The following CORIN variants were observed in gnomAD, a reference collection of about 807,000 sequenced individuals.
CORIN encodes atrial natriuretic peptide-converting enzyme.
A neutral mutation model predicts 125.3 loss-of-function variants in CORIN; 117 were observed. That is an observed-to-expected ratio of 0.93 (90% confidence interval 0.80 to 1.09). CORIN has a LOEUF of 1.09. CORIN is among the 50% of genes least tolerant of loss of function. The pLI is 0.00. For missense variants in CORIN, 1,253 were observed against 1,306.7 expected (o/e 0.96, Z 0.63); for synonymous variants, 450 against 466.4 (o/e 0.96, Z 0.45).
chr4:47,744,923 G>A (rs1222981651), intron 4 of CORIN, among the ~76,000 whole-genome samples: 1 of 152,048 alleles, frequency 6.6e-6, no homozygotes, highest in Non-Finnish European at 1.5e-5. Context: ...GGAAACGAAG[G>A]CCCTCAGATT....
chr4:47,646,250 T>C (rs1329763967), intron 13 of CORIN, among the ~76,000 whole-genome samples: 1 of 152,194 alleles, frequency 6.6e-6, no homozygotes, highest in Admixed American at 6.5e-5. Flanking sequence ...TAAAATGTAA[T>C]TTCATTCTAC....
At position 47,696,022 on chromosome 4, in the gene CORIN, T is replaced by C. The variant is rs147449690; in HGVS notation, c.800-2939A>G. 2.0e-5 allele frequency among the ~76,000 whole-genome samples: 3 copies of C among 152,290 alleles called. No individual in the cohort carries two copies. In the East Asian group the frequency reaches 5.8e-4, roughly 29 times the overall value. On this transcript the variant is annotated intron_variant, in intron 5 of 21. Transcript: ENST00000273857. ...TGTAGTCGGCTGATACTCGGCCAGT[T>C]TAAGGGCACTAGGTTTGAGTAAAAC...
chr4:47,626,250 A>G (rs1722558578), intron 17 of CORIN, among the ~76,000 whole-genome samples, 155 bp downstream of exon 17: 1 of 152,216 alleles, frequency 6.6e-6, no homozygotes, highest in Non-Finnish European at 1.5e-5. Flanking sequence ...AAAAGCAACC[A>G]ATGTTGAAAT....
At chr4:47,805,794 T>C (rs183432484) in intron 2 of CORIN, among the ~76,000 whole-genome samples, 1 of 152,222 alleles carries the variant, frequency 6.6e-6, no homozygotes, top group Non-Finnish European at 1.5e-5. Context: ...AGTGTGTAAC[T>C]TCTATAAACC....
chr4:47,612,355 CA>C (rs1721903648), intron 19 of CORIN, among the ~76,000 whole-genome samples: 1 of 152,096 alleles, frequency 6.6e-6, no homozygotes, highest in Non-Finnish European at 1.5e-5. Context: ...TCTGACCTTC[CA>C]ATTGTCTAAG....
chr4:47,631,522 T>C (rs1233753398), intron 16 of CORIN, among the ~76,000 whole-genome samples: 1 of 152,092 alleles, frequency 6.6e-6, no homozygotes, highest in Non-Finnish European at 1.5e-5. Flanking sequence ...GACCATCTAG[T>C]TGCAGGAAAA....
intron 5 of CORIN, among the ~76,000 whole-genome samples, chr4:47,740,231 C>A (rs1228859305): frequency 6.6e-6 from 1 of 151,818 alleles, no homozygotes; most frequent in Non-Finnish European, 1.5e-5. Flanking sequence ...TTTTTAGGTG[C>A]CTATGTGTTT....
Position 47,595,483 on chromosome 4 carries a change from G to T in CORIN, c.*238C>A. 6.6e-6 allele frequency: 2 copies of T among 303,084 alleles called. No individual in the cohort carries two copies. Among genetic ancestry groups the T allele is most frequent in the Non-Finnish European group, 6.1e-6 (1 of 164,456 alleles). The allele number at this position is 303,084 out of a possible 1,614,324, so 18.8% of individuals were successfully genotyped here. ...TGGTTAGGCCTGGCAAAAGGACAAA[G>T]TCTGCTTTGTTTGCTTTTGTAAAGT... On this transcript the variant is annotated 3_prime_UTR_variant, in exon 22 of 22. Coordinates refer to ENST00000273857, the MANE Select transcript of CORIN (RefSeq NM_006587.4).
chr4:47,643,344 G>T, intron 14 of CORIN, 88 bp from the exon 15 acceptor site: 1 of 1,249,844 alleles, frequency 8.0e-7, no homozygotes, highest in East Asian at 2.4e-5. Flanking sequence ...GTGCCAGCAG[G>T]AGCATGGAAA....
chr4:47,607,139 T>C (rs1171299667), intron 19 of CORIN, among the ~76,000 whole-genome samples: 1 of 152,220 alleles, frequency 6.6e-6, no homozygotes, highest in Non-Finnish European at 1.5e-5. Context: ...TTGTACCCAG[T>C]AGTCTCTTGT....
chr4:47,772,276 A>G (rs1730079371), intron 3 of CORIN, among the ~76,000 whole-genome samples: 1 of 152,260 alleles, frequency 6.6e-6, no homozygotes, highest in Admixed American at 6.5e-5. Flanking sequence ...GTCAAGGTAG[A>G]GAAATGAGCC....
At chr4:47,803,041 C>T (rs1162080465) in intron 2 of CORIN, among the ~76,000 whole-genome samples, 2 of 152,160 alleles carry the variant, frequency 1.3e-5, no homozygotes. Context: ...TAGAAGTCTT[C>T]AAGAATTGCA....
intron 15 of CORIN, among the ~76,000 whole-genome samples, chr4:47,642,375 G>C (rs781755538): frequency 2.6e-5 from 4 of 152,236 alleles, no homozygotes; most frequent in Non-Finnish European, 4.4e-5. Context: ...ATAATTACAA[G>C]AAGCGAGTTG....
rs1232013565 is a variant in CORIN, at chr4:47,763,488, T to A, written c.508A>T (p.Lys170Ter). Residue 170 changes from lysine (K) to a stop codon, truncating the protein, a stop_gained, in exon 4 of 22, where the codon AAG becomes TAG. Transcript: ENST00000273857. LOFTEE classifies it high-confidence loss of function. Reference sequence around the variant, plus strand: ...AGATATGTGAAAAACTTGAGGAACTTTTCCATTTCCATGTTTCTGACAACT... The same window carrying A: ...AGATATGTGAAAAACTTGAGGAACTATTCCATTTCCATGTTTCTGACAACT... ...LSVVRNMEME[K>*]FLKFFTYLHR... The A allele has an allele frequency of 6.2e-7, 1 of 1,614,130 alleles. No individual in the cohort carries two copies. Among genetic ancestry groups the A allele is most frequent in the South Asian group, 1.1e-5 (1 of 91,076 alleles).
intron 10 of CORIN, among the ~76,000 whole-genome samples, chr4:47,671,592 A>AT: frequency 6.6e-6 from 1 of 151,862 alleles, no homozygotes; most frequent in Non-Finnish European, 1.5e-5. Context: ...TTATTTATTT[A>AT]TTTTTTTATT....
At chr4:47,744,748 A>C (rs896565858) in intron 4 of CORIN, among the ~76,000 whole-genome samples, 165 bp from the exon 5 acceptor site, 3 of 152,222 alleles carry the variant, frequency 2.0e-5, no homozygotes, top group Non-Finnish European at 4.4e-5. Flanking sequence ...CAGTGATTTT[A>C]GCTATTCTAT....
chr4:47,636,529 C>A (rs1415327516), intron 16 of CORIN, among the ~76,000 whole-genome samples: 1 of 152,154 alleles, frequency 6.6e-6, no homozygotes, highest in Non-Finnish European at 1.5e-5. Flanking sequence ...ACAATTCCCA[C>A]ATGTCATGGG....
At chr4:47,802,934 T>C (rs147898704) in intron 2 of CORIN, among the ~76,000 whole-genome samples, 2 of 152,174 alleles carry the variant, frequency 1.3e-5, no homozygotes, top group East Asian at 3.9e-4. Flanking sequence ...CTCTGTTTGT[T>C]TGGGAGAAAG....
intron 10 of CORIN, among the ~76,000 whole-genome samples, chr4:47,670,292 C>T (rs1469871447): frequency 6.6e-6 from 1 of 152,206 alleles, no homozygotes; most frequent in East Asian, 1.9e-4. Context: ...AACGTGTTAC[C>T]AAATGGTAAT....
Sources: allele counts gnomAD v4.1 joint callset (sites outside exome capture counted in the v4.1 genomes callset), GRCh38; gene constraint gnomAD v4.1.1; transcripts MANE v1.5; gene names NCBI Gene and HGNC (gene_info 2026-07-23, HGNC 2026-07-21).